Variants in CYB5A observed in about 807,000 individuals in gnomAD.
CYB5A encodes the protein cytochrome b5.
CYB5A carries 10 observed loss-of-function variants against 16.2 expected under a neutral mutation model. That is an observed-to-expected ratio of 0.62 (90% CI 0.38 to 1.04). The LOEUF is 1.04. Among genes scored for constraint, CYB5A ranks in the 50% least tolerant of loss-of-function variants. CYB5A has a pLI of 0.01. For synonymous variants in CYB5A, 62 were observed against 57.0 expected (o/e 1.09, Z -0.40); for missense variants, 161 against 165.9 (o/e 0.97, Z 0.16).
At chr18:74,281,188 T>C (rs946415819) in intron 1 of CYB5A, among the ~76,000 whole-genome samples, 6 of 152,044 alleles carry the variant, frequency 3.9e-5, no homozygotes, top group African/African-American at 1.2e-4. Flanking sequence ...GCTGGGAGAA[T>C]GGAACTGCCA....
chr18:74,272,558 T>C (rs886624557), intron 1 of CYB5A, among the ~76,000 whole-genome samples: 1 of 152,222 alleles, frequency 6.6e-6, no homozygotes, highest in African/African-American at 2.4e-5. Context: ...CCTGTCTGGA[T>C]AATGACAAGG....
At chr18:74,282,412 G>A (rs908070060) in intron 1 of CYB5A, among the ~76,000 whole-genome samples, 1 of 152,112 alleles carries the variant, frequency 6.6e-6, no homozygotes, top group East Asian at 1.9e-4. Flanking sequence ...TGGAAAAAGG[G>A]GGAAAAAAAT....
chr18:74,271,104 T>C (rs1435401660), intron 1 of CYB5A, among the ~76,000 whole-genome samples: 1 of 152,202 alleles, frequency 6.6e-6, no homozygotes, highest in Non-Finnish European at 1.5e-5. Context: ...CCCATTCAGA[T>C]CACATGATTT....
At chr18:74,265,715 G>A (rs1982407085) in intron 1 of CYB5A, among the ~76,000 whole-genome samples, 1 of 152,226 alleles carries the variant, frequency 6.6e-6, no homozygotes, top group African/African-American at 2.4e-5. Context: ...GAGGCCTCGG[G>A]AAGCTTTTAC....
intron 3 of CYB5A, chr18:74,256,945 A>G: frequency 8.9e-7 from 1 of 1,127,154 alleles, no homozygotes; most frequent in South Asian, 1.3e-5. Context: ...TAGCATCTAT[A>G]AAAAGTATTC....
At chr18:74,260,826 G>A (rs1240028794) in intron 3 of CYB5A, 89 bp downstream of exon 3, 15 of 1,059,732 alleles carry the variant, frequency 1.4e-5, no homozygotes, top group Admixed American at 3.4e-5. Context: ...GCTGGCATCA[G>A]TCAGGTAAAT....
chr18:74,280,421 A>G (rs981313409), intron 1 of CYB5A, among the ~76,000 whole-genome samples: 4 of 151,334 alleles, frequency 2.6e-5, no homozygotes, highest in Non-Finnish European at 5.9e-5. Flanking sequence ...AAAAAAAAAA[A>G]AGGGAAATTA....
At chr18:74,274,244 A>G (rs1982781746) in intron 1 of CYB5A, among the ~76,000 whole-genome samples, 1 of 152,244 alleles carries the variant, frequency 6.6e-6, no homozygotes, top group Non-Finnish European at 1.5e-5. Context: ...TGAGGCCAAA[A>G]ATGAGAAAAT....
intron 2 of CYB5A, among the ~76,000 whole-genome samples, chr18:74,263,031 C>T (rs567664391): frequency 3.9e-4 from 59 of 152,092 alleles, no homozygotes; most frequent in South Asian, 3.1e-3. Context: ...TGCCTGTAGT[C>T]CCAGCTACCA....
intron 1 of CYB5A, among the ~76,000 whole-genome samples, chr18:74,290,308 G>A (rs1599272301): frequency 6.6e-6 from 1 of 152,114 alleles, no homozygotes; most frequent in Admixed American, 6.5e-5. Context: ...AAAGTGGTGC[G>A]ATTTCGGCTC....
intron 1 of CYB5A, among the ~76,000 whole-genome samples, chr18:74,276,727 C>T (rs897716571): frequency 2.0e-5 from 3 of 152,146 alleles, no homozygotes; most frequent in African/African-American, 4.8e-5. Context: ...GGAATGAACG[C>T]AGGCCGCCTG....
chr18:74,264,549 G>A (rs954857112), intron 1 of CYB5A, among the ~76,000 whole-genome samples: 1 of 152,192 alleles, frequency 6.6e-6, no homozygotes, highest in African/African-American at 2.4e-5. Context: ...GGGCAGCACA[G>A]ACTGTCAGAT....
rs554134976 is a variant in CYB5A, at chr18:74,283,027, A to G, written c.129+8720T>C. ...AACCACCACCCATTTGATGGAACCA[A>G]TGAAATCCTGAGAACTGACTGCCCA... On this transcript the variant is annotated intron_variant, in intron 1 of 4. Transcript: ENST00000340533. Among the ~76,000 whole-genome samples, 448 of 152,298 alleles carry G rather than the reference A, an allele frequency of 2.9e-3. 2 individuals carry two copies. Among genetic ancestry groups the G allele is most frequent in the Non-Finnish European group, 4.5e-3 (309 of 68,028 alleles).
rs1981790373 is a variant in CYB5A at position 74,252,045 on chromosome 18, T to G, written c.*1539A>C. On this transcript the variant is annotated 3_prime_UTR_variant, in exon 5 of 5. Transcript: ENST00000340533. The stretch of plus-strand genomic sequence containing the variant: ...TCACAACCAAAAATATTGAAATATT[T>G]ACATAGGTCCCTTAACAAGTGTTGT... The G allele has an allele frequency of 6.6e-6, 1 of 152,224 alleles. No individual in the cohort carries two copies. Among genetic ancestry groups the G allele is most frequent in the African/African-American group, 2.4e-5 (1 of 41,452 alleles). The allele number at this position is 152,224 out of a possible 1,614,324, so 9.4% of individuals were successfully genotyped here.
rs757027584 is a variant in CYB5A at position 74,252,129 on chromosome 18, G to A, written c.*1455C>T. On this transcript the variant is annotated 3_prime_UTR_variant, in exon 5 of 5. Coordinates refer to ENST00000340533, the MANE Select transcript of CYB5A (RefSeq NM_148923.4). ...TTCAGTGACTAAAGAAGGCAAAGGC[G>A]GTGCATCCTATTTGATTATAAAGGT... 2.6e-5 allele frequency: 4 copies of A among 152,132 alleles called. No individual in the cohort carries two copies. Among genetic ancestry groups the A allele is most frequent in the Non-Finnish European group, 5.9e-5 (4 of 68,026 alleles). 9.4% of individuals were successfully genotyped at this position (152,132 alleles called of 1,614,324 possible).
intron 1 of CYB5A, among the ~76,000 whole-genome samples, chr18:74,291,278 T>G (rs143859544): frequency 2.6e-5 from 4 of 152,228 alleles, no homozygotes; most frequent in Non-Finnish European, 5.9e-5. Flanking sequence ...ATCCCCCGCA[T>G]GGCTGCGCGC....
At chr18:74,264,874 G>A (rs1360099706) in intron 1 of CYB5A, among the ~76,000 whole-genome samples, 1 of 152,180 alleles carries the variant, frequency 6.6e-6, no homozygotes, top group East Asian at 1.9e-4. Context: ...GGGATTCTCA[G>A]GCAAGGGAAG....
chr18:74,291,901 G>GCA lies in CYB5A; in HGVS notation c.-28_-27dup, dbSNP rs1983564935. On this transcript the variant is annotated 5_prime_UTR_variant, in exon 1 of 5. Transcript: ENST00000340533. ...CTCGGTTCGCCGCGAGCCAGGCCCA[G>GCA]CACACACAGCCCCGTCGGGTGGAGC... The GCA allele has an allele frequency of 6.2e-7, 1 of 1,608,190 alleles. No individual in the cohort carries two copies. The highest frequency in any genetic ancestry group is 1.1e-5 in the South Asian group (1 of 91,016).
Position 74,284,232 on chromosome 18 carries a change from CCAA to C in CYB5A, c.129+7512_129+7514del, listed in dbSNP as rs762162915. The stretch of plus-strand genomic sequence containing the variant: ...GGGCAACAACAGTGAAACTCCATCT[CCAA>C]AAAAAAAAAAAAAAAAAAGAGAGAT... On this transcript the variant is annotated intron_variant, in intron 1 of 4. Transcript: ENST00000340533. Among the ~76,000 whole-genome samples the C allele has an allele frequency of 2.4e-3, 239 of 100,200 alleles. 1 individual carries two copies. Among genetic ancestry groups the C allele is most frequent in the Middle Eastern group, 4.4e-3 (1 of 226 alleles). 65.7% of individuals were successfully genotyped at this position (100,200 alleles called of 152,430 possible).
Sources: allele counts gnomAD v4.1 joint callset (sites outside exome capture counted in the v4.1 genomes callset), GRCh38; gene constraint gnomAD v4.1.1; transcripts MANE v1.5; gene names NCBI Gene and HGNC (gene_info 2026-07-23, HGNC 2026-07-21).